Variants in HOMER2 observed in about 807,000 individuals in gnomAD.
The protein encoded by HOMER2 is homer scaffold protein 2, also known as homer protein homolog 2.
In HOMER2, 27 loss-of-function variants were observed where a neutral mutation model predicts 47.0. The observed-to-expected ratio is 0.57, with a 90% confidence interval of 0.42 to 0.79. HOMER2 has a LOEUF of 0.79. HOMER2 is among the 30% of genes least tolerant of loss of function. The probability of loss-of-function intolerance (pLI) is 0.00; values close to 1 mark genes in which losing one functional copy is unlikely to be tolerated. For synonymous variants in HOMER2, 161 were observed against 163.8 expected (o/e 0.98, Z 0.13); for missense variants, 443 against 435.0 (o/e 1.02, Z -0.16).
At chr15:82,893,329 C>CTTTTTTTTT (rs771392216) in intron 1 of HOMER2, among the ~76,000 whole-genome samples, 1 of 118,930 alleles carries the variant, frequency 8.4e-6, no homozygotes, top group African/African-American at 3.2e-5. Context: ...ATAATTTTAT[C>CTTTTTTTTT]TTTTTTTTTT....
chr15:82,905,674 T>C (rs1004926043), intron 1 of HOMER2, among the ~76,000 whole-genome samples: 2 of 152,164 alleles, frequency 1.3e-5, no homozygotes, highest in Admixed American at 6.5e-5. Context: ...TATATACTGT[T>C]AAGAGAAAAA....
chr15:82,897,956 T>C (rs552056876), intron 1 of HOMER2, among the ~76,000 whole-genome samples: 1 of 152,372 alleles, frequency 6.6e-6, no homozygotes, highest in Admixed American at 6.5e-5. Flanking sequence ...TAAGATGCTA[T>C]GTATGTGACA....
Position 82,852,162 on chromosome 15 carries a change from C to T in HOMER2, c.742G>A (p.Glu248Lys). 1 of 1,613,412 alleles carries T rather than the reference C, an allele frequency of 6.2e-7. No individual in the cohort carries two copies. The change falls in exon 7 of 9, where the codon GAG (glutamate) becomes AAG (lysine). Residue 248 changes from glutamate to lysine, a missense_variant. Glu to Lys is a moderately conservative substitution (Grantham distance 56). Coordinates refer to ENST00000450735, the MANE Select transcript of HOMER2 (RefSeq NM_004839.4). ...LKRRIEELEA[E>K]LREKETELKD... ...CTCACTGTCTCCTTTTCTCGGAGCT[C>T]TGCCTCCAGCTCCTCGATCCTCCTC...
rs538256712 is a variant in HOMER2, at chr15:82,965,935, A to C, written n.83-6627T>G. ...TATGGCGAAACCCATCATTACAAAA[A>C]ATACAAAAATTAGCCAGCCATGGTG... is the stretch of plus-strand genomic sequence containing the variant. On this transcript the variant is annotated intron_variant and non_coding_transcript_variant, in intron 1 of 1. Transcript: ENST00000500334. Among the ~76,000 whole-genome samples the C allele has an allele frequency of 5.3e-5, 8 of 152,260 alleles. No individual in the cohort carries two copies. The East Asian group carries it at 1.4e-3, about 26-fold the overall frequency.
intron 1 of HOMER2, among the ~76,000 whole-genome samples, chr15:82,903,276 TCCAGTTC>T (rs886334646): frequency 6.6e-6 from 1 of 152,050 alleles, no homozygotes; most frequent in African/African-American, 2.4e-5. Flanking sequence ...ATTTCCAGTT[TCCAGTTC>T]AGCACGTGAA....
chr15:82,952,519 G>A lies in HOMER2; in HGVS notation c.5+12C>T, dbSNP rs1212801070. ...GGGGCGCGCGGAGAGCGCGCGGCGC[G>A]GGCTCACTCACCCCATCTCCGGCGC... On this transcript the variant is annotated intron_variant, in intron 1 of 8. Transcript: ENST00000450735. 1.7e-6 allele frequency: 2 copies of A among 1,188,988 alleles called. No homozygotes were observed. The highest frequency in any genetic ancestry group is 2.1e-6 in the Non-Finnish European group (2 of 959,896). The allele number at this position is 1,188,988 out of a possible 1,614,324, so 73.7% of individuals were successfully genotyped here. A position where few individuals can be genotyped will look rare whatever the true frequency, so the allele number is the denominator to read the frequency against.
chr15:82,845,803 C>T (rs1243000179), downstream of HOMER2: 2 of 152,242 alleles, frequency 1.3e-5, no homozygotes, highest in East Asian at 3.8e-4. Context: ...GGTTGGCTCT[C>T]ATCCAAAATT....
intron 3 of HOMER2, 102 bp from the exon 4 acceptor site, chr15:82,864,361 T>C (rs571004887): frequency 2.0e-4 from 139 of 696,730 alleles, no homozygotes; most frequent in Non-Finnish European, 3.1e-4. Flanking sequence ...GGCCCATACA[T>C]TCTGTATAAA....
At chr15:82,955,663 G>A (rs189464226), upstream of HOMER2, among the ~76,000 whole-genome samples, 76 of 152,216 alleles carry the variant, frequency 5.0e-4, no homozygotes, top group Non-Finnish European at 9.1e-4. Context: ...GATAACTGTC[G>A]GGTATTATGC....
chr15:82,842,232 T>C (rs371352891), exon 2 of HOMER2: 2 of 152,076 alleles, frequency 1.3e-5, no homozygotes, highest in South Asian at 4.1e-4. Flanking sequence ...TTGTGTAAAA[T>C]ATGTAAATTT....
At chr15:82,967,698 A>AC (rs1248669312) in intron 1 of HOMER2, among the ~76,000 whole-genome samples, 1 of 152,046 alleles carries the variant, frequency 6.6e-6, no homozygotes, top group East Asian at 1.9e-4. Flanking sequence ...ATATGGTGAA[A>AC]CCCCACCTCT....
At chr15:82,916,161 C>T (rs993821766) in intron 1 of HOMER2, among the ~76,000 whole-genome samples, 1 of 152,158 alleles carries the variant, frequency 6.6e-6, no homozygotes, top group Non-Finnish European at 1.5e-5. Flanking sequence ...TGGGGGGAAA[C>T]AAAGAATTCA....
chr15:82,868,541 A>ATATATATATATATATATT, intron 3 of HOMER2, among the ~76,000 whole-genome samples: 5 of 71,262 alleles, frequency 7.0e-5, no homozygotes, highest in East Asian at 3.1e-4. Flanking sequence ...ATATATATAT[A>ATATATATATATATATATT]TTTTTTTTTT....
chr15:82,906,321 CAG>C (rs2053284159), intron 1 of HOMER2, among the ~76,000 whole-genome samples: 1 of 151,976 alleles, frequency 6.6e-6, no homozygotes, highest in African/African-American at 2.4e-5. Context: ...ACAAATATGA[CAG>C]ATATTAATCC....
exon 2 of HOMER2, chr15:82,839,774 A>G (rs2051158135): frequency 6.6e-6 from 1 of 152,172 alleles, no homozygotes; most frequent in African/African-American, 2.4e-5. Flanking sequence ...GGTCCATAAT[A>G]TTATACTTTG....
At chr15:82,929,067 C>T (rs2053936567) in intron 1 of HOMER2, among the ~76,000 whole-genome samples, 1 of 150,910 alleles carries the variant, frequency 6.6e-6, no homozygotes, top group Admixed American at 6.6e-5. Flanking sequence ...AGAGGGTGAG[C>T]AATGTGGGCT....
intron 4 of HOMER2, among the ~76,000 whole-genome samples, chr15:82,863,099 G>A (rs892823267): frequency 6.6e-6 from 1 of 151,972 alleles, no homozygotes; most frequent in Non-Finnish European, 1.5e-5. Context: ...GCCCCTGTGA[G>A]GCTGATGGTC....
At chr15:82,970,774 T>C (rs979554790) in intron 1 of HOMER2, among the ~76,000 whole-genome samples, 1 of 152,364 alleles carries the variant, frequency 6.6e-6, no homozygotes, top group Non-Finnish European at 1.5e-5. Context: ...CTTCTTGCCA[T>C]GCTGTGTTTT....
At chr15:82,933,054 G>T (rs1427032234) in intron 1 of HOMER2, among the ~76,000 whole-genome samples, 1 of 151,912 alleles carries the variant, frequency 6.6e-6, no homozygotes, top group Non-Finnish European at 1.5e-5. Flanking sequence ...CCTTCTCTAG[G>T]CTAAGTATGC....
Sources: gnomAD v4.1 joint callset for allele counts (sites outside exome capture counted in the v4.1 genomes callset) on GRCh38, gnomAD v4.1.1 for gene constraint, MANE v1.5 for transcripts, NCBI Gene and HGNC (gene_info 2026-07-23, HGNC 2026-07-21) for gene names.